Variants in C8A observed in about 807,000 individuals in gnomAD.
The protein encoded by C8A is complement component C8 alpha chain.
Under a neutral mutation model 65.3 loss-of-function variants are expected in C8A, and 67 were observed. That is an observed-to-expected ratio of 1.03 (90% confidence interval 0.84 to 1.26). The LOEUF is 1.26. C8A is among the 50% of genes most tolerant of loss of function. C8A has a pLI of 0.00. For missense variants in C8A, 781 were observed against 723.9 expected, an observed-to-expected ratio of 1.08 and a Z score of -0.90; for synonymous variants, 290 against 259.4, an observed-to-expected ratio of 1.12 and a Z score of -1.13.
intron 2 of C8A, among the ~76,000 whole-genome samples, chr1:56,871,982 C>T (rs1331254449): frequency 6.6e-6 from 1 of 152,158 alleles, no homozygotes. Flanking sequence ...TGGCATGTAC[C>T]AGATCCCTGT....
intron 3 of C8A, 26 bp from the exon 4 acceptor site, chr1:56,876,036 G>A: frequency 6.2e-7 from 1 of 1,611,298 alleles, no homozygotes; most frequent in Non-Finnish European, 8.5e-7. Context: ...GGAACCCGAG[G>A]AGCAGCCACA....
At chr1:56,869,259 A>G (rs1644120218) in intron 2 of C8A, among the ~76,000 whole-genome samples, 1 of 152,170 alleles carries the variant, frequency 6.6e-6, no homozygotes, top group Non-Finnish European at 1.5e-5. Flanking sequence ...TATAAGTGAG[A>G]AGATGTGATA....
intron 7 of C8A, among the ~76,000 whole-genome samples, chr1:56,895,321 A>C (rs889045891): frequency 6.6e-6 from 1 of 152,174 alleles, no homozygotes; most frequent in Non-Finnish European, 1.5e-5. Context: ...ATCTCATTTA[A>C]TTCTCAGGAG....
At chr1:56,867,854 A>G in intron 2 of C8A, 152 bp downstream of exon 2, 1 of 701,968 alleles carries the variant, frequency 1.4e-6, no homozygotes, top group Non-Finnish European at 2.6e-6. Context: ...ATGGATGGTG[A>G]AACTTGTTTC....
chr1:56,868,444 A>G (rs1201914900), intron 2 of C8A, among the ~76,000 whole-genome samples: 1 of 151,768 alleles, frequency 6.6e-6, no homozygotes, highest in Non-Finnish European at 1.5e-5. Context: ...CTTAGTCTCT[A>G]CAAAAAATAC....
chr1:56,906,608 C>T, intron 7 of C8A, 59 bp from the exon 8 acceptor site: 3 of 1,603,472 alleles, frequency 1.9e-6, no homozygotes, highest in South Asian at 1.1e-5. Context: ...CATAGTTGTA[C>T]CATGTCAAGT....
intron 4 of C8A, among the ~76,000 whole-genome samples, chr1:56,878,090 T>G (rs562615061): frequency 6.6e-6 from 1 of 152,150 alleles, no homozygotes; most frequent in East Asian, 1.9e-4. Context: ...CCTCTCTCCC[T>G]GGCTTGTTGA....
Position 56,917,675 on chromosome 1 carries a change from G to C in C8A, c.1714G>C (p.Ala572Pro). Residue 572 changes from alanine (A) to proline (P), a missense_variant, in exon 11 of 11, where the codon GCC becomes CCC. Ala to Pro is a conservative substitution (Grantham distance 27). Coordinates refer to ENST00000361249, the MANE Select transcript of C8A (RefSeq NM_000562.3). ...CAATCCAGCACCTCAGAATGGAGGG[G>C]CCTCGTGTCCAGGGCGGAAAGTACA... The part of the protein sequence containing the change: ...CDNPAPQNGG[A>P]SCPGRKVQTQ... The C allele has an allele frequency of 6.2e-7, 1 of 1,614,190 alleles. No homozygotes were observed. Among genetic ancestry groups the C allele is most frequent in the Non-Finnish European group, 8.5e-7 (1 of 1,180,036 alleles).
chr1:56,906,433 T>C (rs1257426851), intron 7 of C8A, among the ~76,000 whole-genome samples: 1 of 152,046 alleles, frequency 6.6e-6, no homozygotes, highest in Non-Finnish European at 1.5e-5. Context: ...GAAAGAGTGC[T>C]AGCATTTTTT....
chr1:56,858,547 A>C (rs1485146822), intron 1 of C8A, among the ~76,000 whole-genome samples: 1 of 152,208 alleles, frequency 6.6e-6, no homozygotes, highest in East Asian at 1.9e-4. Context: ...TAGGCAGTTG[A>C]TCCTAAAGAA....
At chr1:56,914,871 T>C (rs1020136936) in intron 10 of C8A, among the ~76,000 whole-genome samples, 4 of 152,068 alleles carry the variant, frequency 2.6e-5, no homozygotes, top group Admixed American at 1.3e-4. Flanking sequence ...GGAGATGGGT[T>C]TTCGCCATGT....
chr1:56,911,067 T>A (rs1325793610), intron 9 of C8A, among the ~76,000 whole-genome samples: 1 of 141,990 alleles, frequency 7.0e-6, no homozygotes, highest in African/African-American at 3.0e-5. Context: ...AAACATGGGT[T>A]TTTTTTTTTT....
chr1:56,885,892 G>GT (rs1407298261), intron 6 of C8A, 35 bp from the exon 7 acceptor site: 1 of 1,613,174 alleles, frequency 6.2e-7, no homozygotes, highest in African/African-American at 1.3e-5. Flanking sequence ...TGCTCTCTTT[G>GT]TTCTTTTGCT....
intron 7 of C8A, among the ~76,000 whole-genome samples, chr1:56,898,104 G>T (rs1644399719): frequency 6.6e-6 from 1 of 152,134 alleles, no homozygotes; most frequent in African/African-American, 2.4e-5. Context: ...AATGGTTGGG[G>T]CAGCAAGTAG....
intron 6 of C8A, among the ~76,000 whole-genome samples, chr1:56,885,014 A>G (rs1644277950): frequency 6.6e-6 from 1 of 152,000 alleles, no homozygotes; most frequent in Non-Finnish European, 1.5e-5. Flanking sequence ...TTCACAATGC[A>G]GTGCTTTGAT....
rs1474351084 is a variant in C8A, at chr1:56,914,006, C to T, written c.1603+1381C>T. ...TCTCTGGCGTACCAAGATTTTTGTT[C>T]TTGGTGCCACACCTCACCGGATACT... On this transcript the variant is annotated intron_variant, in intron 10 of 10. Coordinates refer to ENST00000361249, the MANE Select transcript of C8A (RefSeq NM_000562.3). Among the ~76,000 whole-genome samples, 3 of 152,298 alleles carry T rather than the reference C, an allele frequency of 2.0e-5. No homozygotes were observed. The South Asian group carries it at 6.2e-4, about 32-fold the overall frequency.
chr1:56,888,795 A>T (rs1306308821), intron 7 of C8A, among the ~76,000 whole-genome samples: 1 of 152,184 alleles, frequency 6.6e-6, no homozygotes, highest in Non-Finnish European at 1.5e-5. Context: ...TTCGGGGGCT[A>T]TTGCACATAT....
At chr1:56,870,900 G>A (rs1644141348) in intron 2 of C8A, among the ~76,000 whole-genome samples, 2 of 152,176 alleles carry the variant, frequency 1.3e-5, no homozygotes, top group South Asian at 4.1e-4. Context: ...GTACATTTAT[G>A]GAAGGAAACA....
At chr1:56,889,907 C>T (rs1453940519) in intron 7 of C8A, among the ~76,000 whole-genome samples, 2 of 152,092 alleles carry the variant, frequency 1.3e-5, no homozygotes, top group African/African-American at 2.4e-5. Flanking sequence ...CAATGAGATC[C>T]TAACATTTCC....
Sources: gnomAD v4.1 joint callset for allele counts (sites outside exome capture counted in the v4.1 genomes callset) on GRCh38, gnomAD v4.1.1 for gene constraint, MANE v1.5 for transcripts, NCBI Gene and HGNC (gene_info 2026-07-23, HGNC 2026-07-21) for gene names.